Variants in CATSPERD observed in about 807,000 individuals in gnomAD.
The protein encoded by CATSPERD is cation channel sperm-associated auxiliary subunit delta.
In CATSPERD, 86 loss-of-function variants were observed where a neutral mutation model predicts 98.1. The ratio of observed to expected loss-of-function variants is 0.88; its 90% CI spans 0.74 to 1.05. The LOEUF is 1.05. CATSPERD is among the 50% of genes least tolerant of loss of function. CATSPERD has a pLI of 0.00. For synonymous variants in CATSPERD, 394 were observed against 390.2 expected, an observed-to-expected ratio of 1.01 and a Z score of -0.12; for missense variants, 995 against 1,005.7, an observed-to-expected ratio of 0.99 and a Z score of 0.14.
chr19:5,777,611 A>G (rs1420512457), intron 21 of CATSPERD, among the ~76,000 whole-genome samples: 1 of 152,172 alleles, frequency 6.6e-6, no homozygotes, highest in African/African-American at 2.4e-5. Context: ...GGCCTGGCAC[A>G]ATAGCTTACG....
intron 15 of CATSPERD, among the ~76,000 whole-genome samples, chr19:5,759,933 C>T (rs1003074420): frequency 3.3e-5 from 5 of 150,490 alleles, no homozygotes; most frequent in Non-Finnish European, 5.9e-5. Context: ...AAAAATTAGC[C>T]GGGCATGGTG....
rs199838260 is a variant in CATSPERD at position 5,739,440 on chromosome 19, G to C, written c.573+1G>C. ...TTGGAAGTATCACTATGACAGACAG[G>C]TATGTTAAATTTGGTAAGAATGTGA... On this transcript the variant is annotated splice_donor_variant, in intron 7 of 21. Transcript: ENST00000381624. LOFTEE classifies it high-confidence loss of function. The C allele has an allele frequency of 2.8e-6, 4 of 1,445,912 alleles. No homozygotes were observed. The highest frequency in any genetic ancestry group is 3.8e-6 in the Non-Finnish European group (4 of 1,047,372). 89.6% of individuals were successfully genotyped at this position (1,445,912 alleles called of 1,614,324 possible). A position where few individuals can be genotyped will look rare whatever the true frequency, so the allele number is the denominator to read the frequency against.
intron 21 of CATSPERD, 36 bp from the exon 22 acceptor site, chr19:5,778,340 T>C (rs763604230): frequency 2.9e-5 from 45 of 1,564,626 alleles, no homozygotes; most frequent in Non-Finnish European, 3.8e-5. Flanking sequence ...CCAAAGGCAA[T>C]GCCCAACAGC....
At chr19:5,727,033 A>C (rs1211960202) in intron 2 of CATSPERD, among the ~76,000 whole-genome samples, 2 of 152,128 alleles carry the variant, frequency 1.3e-5, no homozygotes, top group African/African-American at 4.8e-5. Context: ...CTCTACAAAA[A>C]AAATAGAAAA....
intron 10 of CATSPERD, 143 bp downstream of exon 10, chr19:5,748,398 A>G: frequency 1.5e-6 from 1 of 682,296 alleles, no homozygotes; most frequent in Non-Finnish European, 2.6e-6. Context: ...TGGGAGGCCG[A>G]GGCGGGTGGA....
At chr19:5,731,039 C>T (rs1429745506) in intron 4 of CATSPERD, among the ~76,000 whole-genome samples, 1 of 150,844 alleles carries the variant, frequency 6.6e-6, no homozygotes, top group Non-Finnish European at 1.5e-5. Context: ...TTGTAGTGAG[C>T]CGTGATCGCA....
chr19:5,756,020 C>T (rs991769382), intron 13 of CATSPERD, among the ~76,000 whole-genome samples: 1 of 152,022 alleles, frequency 6.6e-6, no homozygotes, highest in African/African-American at 2.4e-5. Context: ...GTGGCTCACG[C>T]CTGTAATCCC....
At chr19:5,746,201 C>T in intron 9 of CATSPERD, 138 bp downstream of exon 9, 2 of 891,752 alleles carry the variant, frequency 2.2e-6, no homozygotes, top group Non-Finnish European at 3.4e-6. Context: ...TCAGAGTGGA[C>T]CACAAGCCCA....
intron 17 of CATSPERD, 122 bp downstream of exon 17, chr19:5,766,277 C>A: frequency 1.9e-6 from 1 of 524,546 alleles, no homozygotes; most frequent in Non-Finnish European, 3.0e-6. Flanking sequence ...ATGGCGAAAC[C>A]CCGTCTCTAC....
At chr19:5,729,081 T>C (rs2055665972) in intron 3 of CATSPERD, among the ~76,000 whole-genome samples, 1 of 151,682 alleles carries the variant, frequency 6.6e-6, no homozygotes, top group African/African-American at 2.4e-5. Flanking sequence ...TTAAAAGGAA[T>C]AGGAATTAAC....
In CATSPERD at chr19:5,729,935, A is replaced by G. The variant is rs763343957; in HGVS notation, c.267A>G (p.Thr89=). Residue 89 remains threonine (T), a synonymous_variant, in exon 4 of 22, where the codon ACA becomes ACG. Coordinates refer to ENST00000381624, the MANE Select transcript of CATSPERD (RefSeq NM_152784.4). The stretch of plus-strand genomic sequence containing the variant: ...GTCTCCTTCCATTTACCATCCCTAC[A>G]TCAATGCAGGTAGTTATTTTACTGA... ...ETSLLPFTIP[T]SMQVGVPEVT... is the part of the protein sequence containing the mutation. The G allele has an allele frequency of 6.3e-6, 10 of 1,577,012 alleles. No individual in the cohort carries two copies. The African/African-American group carries it at 1.2e-4, about 19-fold the overall frequency.
intron 1 of CATSPERD, among the ~76,000 whole-genome samples, chr19:5,721,142 G>A (rs1033314522): frequency 1.3e-5 from 2 of 151,578 alleles, no homozygotes; most frequent in African/African-American, 2.4e-5. Context: ...GGGACTACAG[G>A]CGCCTGCCAC....
At position 5,751,650 on chromosome 19, in the gene CATSPERD, G is replaced by T. The variant is rs200693079; in HGVS notation, c.991G>T (p.Ala331Ser). 48 of 1,531,914 alleles carry T rather than the reference G, an allele frequency of 3.1e-5. No individual in the cohort carries two copies. In the African/African-American group the frequency reaches 5.8e-4, roughly 18 times the overall value. The allele number at this position is 1,531,914 out of a possible 1,614,324, so 94.9% of individuals were successfully genotyped here. ...GIVPSSIIKFADQYIWSEDVA... is the reference protein window; with the variant it reads ...GIVPSSIIKFSDQYIWSEDVA... The stretch of plus-strand genomic sequence containing the variant: ...TCAGGAATCATTTTCTTCTTAGTTT[G>T]CAGACCAATACATCTGGTCAGAAGA... Residue 331 changes from alanine (A) to serine (S), a missense_variant, in exon 12 of 22, where the codon GCA (alanine) becomes TCA (serine). By Grantham distance (99) the Ala-to-Ser change is moderately conservative. This residue lies in a region of CATSPERD where 762 missense variants were observed against 773.7 expected (regional missense o/e 0.98). Transcript: ENST00000381624.
At chr19:5,740,142 G>A (rs2055929367) in intron 7 of CATSPERD, among the ~76,000 whole-genome samples, 1 of 151,742 alleles carries the variant, frequency 6.6e-6, no homozygotes. Context: ...TGGGCTGGGC[G>A]TGGTGGCACA....
At chr19:5,748,839 C>T (rs1190341080) in intron 10 of CATSPERD, among the ~76,000 whole-genome samples, 2 of 143,754 alleles carry the variant, frequency 1.4e-5, no homozygotes, top group Non-Finnish European at 3.0e-5. Context: ...AATGATTCTC[C>T]TGCCTCAGCC....
chr19:5,740,084 C>A (rs891578270), intron 7 of CATSPERD, among the ~76,000 whole-genome samples: 11 of 151,774 alleles, frequency 7.2e-5, no homozygotes, highest in African/African-American at 2.7e-4. Flanking sequence ...GAGTTCAAGA[C>A]CAGCCTGACT....
rs374760207 is a variant in CATSPERD, at chr19:5,772,887, G to A, written c.1863G>A (p.Ser621=). 11 of 1,613,940 alleles carry A rather than the reference G, an allele frequency of 6.8e-6. No individual in the cohort carries two copies. The African/African-American group carries it at 9.3e-5, about 14-fold the overall frequency. The change falls in exon 20 of 22, where the codon TCG becomes TCA. Residue 621 remains serine, a synonymous_variant. Coordinates refer to ENST00000381624, the MANE Select transcript of CATSPERD (RefSeq NM_152784.4). The stretch of plus-strand genomic sequence containing the variant: ...ACTCCTATTCCCTGACGGCCCAGTC[G>A]GCCATGTGTACCTCCCAGCCGCAGA... ...FSYSYSLTAQ[S]AMCTSQPQNW...
intron 21 of CATSPERD, 61 bp downstream of exon 21, chr19:5,776,376 C>T: frequency 6.3e-7 from 1 of 1,584,362 alleles, no homozygotes. Context: ...GGCAGGTCAC[C>T]CGTTTCGGGG....
chr19:5,743,575 G>T (rs2056031666), intron 7 of CATSPERD, among the ~76,000 whole-genome samples: 2 of 149,428 alleles, frequency 1.3e-5, no homozygotes, highest in African/African-American at 5.0e-5. Context: ...CTCCAGCCTG[G>T]GCAACAGAGT....
Sources: allele counts gnomAD v4.1 joint callset (sites outside exome capture counted in the v4.1 genomes callset), GRCh38; gene constraint gnomAD v4.1.1; regional missense constraint gnomAD v4.1.1; transcripts MANE v1.5; gene names NCBI Gene and HGNC (gene_info 2026-07-23, HGNC 2026-07-21).